Variants in RUVBL1 observed in about 807,000 individuals in gnomAD.
RUVBL1 encodes the protein RuvB like AAA ATPase 1, also known as ruvB-like 1.
RUVBL1 carries 4 observed loss-of-function variants against 52.4 expected under a neutral mutation model. The ratio of observed to expected loss-of-function variants is 0.08; its 90% CI spans 0.04 to 0.17. The LOEUF (loss-of-function observed/expected upper bound fraction) is 0.17, where lower values mean the gene tolerates loss of function less well. RUVBL1 is among the 10% of genes least tolerant of loss of function. The pLI is 1.00. For synonymous variants in RUVBL1, 217 were observed against 214.4 expected (o/e 1.01, Z -0.10); for missense variants, 298 against 572.8 (o/e 0.52, Z 4.90).
At chr3:128,073,509 G>A (rs1003795630) in intron 9 of RUVBL1, among the ~76,000 whole-genome samples, 4 of 152,152 alleles carry the variant, frequency 2.6e-5, no homozygotes, top group African/African-American at 7.2e-5. Context: ...GGCACTGTCC[G>A]AGAGTCAGCA....
chr3:128,110,950 G>C (rs374603050), intron 3 of RUVBL1, among the ~76,000 whole-genome samples: 1 of 151,732 alleles, frequency 6.6e-6, no homozygotes, highest in Non-Finnish European at 1.5e-5. Flanking sequence ...GCATGAGCCA[G>C]GCACGGTGGC....
chr3:128,078,910 C>T (rs1942400346), downstream of RUVBL1: 4 of 152,258 alleles, frequency 2.6e-5, no homozygotes, highest in South Asian at 8.3e-4. Context: ...ATCTCCCTCA[C>T]TTTGGAGCAC....
chr3:128,133,302 G>A (rs1943907393), intron 1 of RUVBL1, among the ~76,000 whole-genome samples: 1 of 152,240 alleles, frequency 6.6e-6, no homozygotes, highest in South Asian at 2.1e-4. Context: ...GACCTGCCGT[G>A]GGCTGGGGGA....
rs954658515 is a variant in RUVBL1, at chr3:128,082,498, G to C, written c.1196C>G (p.Thr399Ser). Residue 399 changes from threonine (T) to serine (S), a missense_variant, in exon 10 of 11, where the codon ACC becomes AGC. Coordinates refer to ENST00000322623, the MANE Select transcript of RUVBL1 (RefSeq NM_003707.3). This position sits in a 1 kb window ranked among gnomAD's most constrained non-coding sequence, Gnocchi z 4.7. ...ACCAGCTCACCTCAGTGTGGTCTTG[G>C]TGCCAATCTCCCCCAGGTGGTTCAG... is the stretch of plus-strand genomic sequence containing the variant. ...EALNHLGEIG[T>S]KTTLRYSVQL... The C allele has an allele frequency of 6.2e-7, 1 of 1,613,596 alleles. No homozygotes were observed. Among genetic ancestry groups the C allele is most frequent in the African/African-American group, 1.3e-5 (1 of 74,926 alleles).
intron 1 of RUVBL1, among the ~76,000 whole-genome samples, chr3:128,150,676 A>C (rs1348554015): frequency 4.7e-5 from 6 of 128,726 alleles, no homozygotes; most frequent in Non-Finnish European, 6.2e-5. Context: ...CATATATTCT[A>C]TATATATTCT....
chr3:128,108,995 AG>A (rs1488478769), intron 3 of RUVBL1, among the ~76,000 whole-genome samples: 3 of 152,202 alleles, frequency 2.0e-5, no homozygotes, highest in Non-Finnish European at 4.4e-5. Context: ...AACTTTAAAA[AG>A]GGCAAAATTA....
chr3:128,077,449 A>C (rs536944642), downstream of RUVBL1, among the ~76,000 whole-genome samples: 3 of 152,348 alleles, frequency 2.0e-5, no homozygotes, highest in East Asian at 5.8e-4. Context: ...ATGGATGACC[A>C]CGGATGAAGG....
intron 8 of RUVBL1, among the ~76,000 whole-genome samples, chr3:128,092,348 A>C (rs1942861163): frequency 6.6e-6 from 1 of 152,206 alleles, no homozygotes; most frequent in Non-Finnish European, 1.5e-5. Context: ...AAGAAAAAAC[A>C]TAAATTGGAC....
Position 128,080,909 on chromosome 3 carries a change from A to G in RUVBL1, c.*341T>C. 4.4e-6 allele frequency: 1 copy of G among 224,904 alleles called. No individual in the cohort carries two copies. The highest frequency in any genetic ancestry group is 8.8e-6 in the Non-Finnish European group (1 of 113,396). 13.9% of individuals were successfully genotyped at this position (224,904 alleles called of 1,614,324 possible). On this transcript the variant is annotated 3_prime_UTR_variant, in exon 11 of 11. Coordinates refer to ENST00000322623, the MANE Select transcript of RUVBL1 (RefSeq NM_003707.3). ...TTAACAAGAAGGGAAACTGGGTACA[A>G]GATACATGGGAACTCCCTATTGTAT...
chr3:128,153,361 G>T (rs1944284800), exon 1 of RUVBL1: 1 of 1,384,188 alleles, frequency 7.2e-7, no homozygotes, highest in Admixed American at 3.6e-5. Flanking sequence ...CTGTGCCCGT[G>T]AGCCTCAGGA....
At chr3:128,072,204 T>G (rs1396493381) in intron 9 of RUVBL1, among the ~76,000 whole-genome samples, 2 of 152,198 alleles carry the variant, frequency 1.3e-5, no homozygotes, top group African/African-American at 4.8e-5. Flanking sequence ...TTTCTGTTTC[T>G]ACACCAAGCC....
At chr3:128,094,589 T>C (rs1251734981) in intron 8 of RUVBL1, among the ~76,000 whole-genome samples, 1 of 152,218 alleles carries the variant, frequency 6.6e-6, no homozygotes, top group Non-Finnish European at 1.5e-5. Context: ...CAACACTTTC[T>C]AGCCTATGGC....
Position 128,092,998 on chromosome 3 carries a change from A to AC in RUVBL1, c.1016+4301dup, listed in dbSNP as rs552993320. Among the ~76,000 whole-genome samples, 506 of 152,192 alleles carry AC rather than the reference A, an allele frequency of 3.3e-3. 3 individuals carry two copies. Among genetic ancestry groups the AC allele is most frequent in the Non-Finnish European group, 4.4e-3 (302 of 68,008 alleles). ...AGACCAGCCTGGTCAACAAAGTGAG[A>AC]CCCCATCTCTACTTTAAAAAAGAAA... On this transcript the variant is annotated intron_variant, in intron 8 of 10. Coordinates refer to ENST00000322623, the MANE Select transcript of RUVBL1 (RefSeq NM_003707.3).
intron 8 of RUVBL1, among the ~76,000 whole-genome samples, chr3:128,093,949 G>A (rs55684215): frequency 0.14 from 21,519 of 152,142 alleles, 1,724 homozygotes; most frequent in African/African-American, 0.21. Context: ...GAGGGGCTAT[G>A]AAGAGGCTTC....
downstream of RUVBL1, among the ~76,000 whole-genome samples, chr3:128,077,430 G>T (rs1201209040): frequency 6.6e-6 from 1 of 152,224 alleles, no homozygotes; most frequent in Non-Finnish European, 1.5e-5. Flanking sequence ...ACTTCTGTGT[G>T]GAGAATGAAT....
At chr3:128,124,040 G>T (rs1013571904), upstream of RUVBL1, among the ~76,000 whole-genome samples, 9 of 152,196 alleles carry the variant, frequency 5.9e-5, no homozygotes, top group Admixed American at 5.9e-4. Context: ...TAGGGCTGGG[G>T]CGTTGCACGA....
chr3:128,123,515 G>A, intron 1 of RUVBL1, 69 bp downstream of exon 1: 2 of 1,450,302 alleles, frequency 1.4e-6, no homozygotes, highest in Non-Finnish European at 1.8e-6. Flanking sequence ...CCGAGCCACC[G>A]ACTTCAGCAG....
chr3:128,100,523 A>C (rs1020257026), intron 6 of RUVBL1, 72 bp downstream of exon 6: 12 of 1,505,514 alleles, frequency 8.0e-6, no homozygotes, highest in Non-Finnish European at 1.1e-5. Context: ...AGACTCTGAC[A>C]ATTCATTCCC....
At chr3:128,143,829 G>A (rs973215492) in intron 1 of RUVBL1, among the ~76,000 whole-genome samples, 9 of 152,132 alleles carry the variant, frequency 5.9e-5, no homozygotes, top group Admixed American at 2.0e-4. Flanking sequence ...CAGCCCCCTC[G>A]AGACCTGGAA....
Sources: gnomAD v4.1 joint callset for allele counts (sites outside exome capture counted in the v4.1 genomes callset) on GRCh38, gnomAD v4.1.1 for gene constraint, Gnocchi (gnomAD v3.1) non-coding constraint, MANE v1.5 for transcripts, NCBI Gene and HGNC (gene_info 2026-07-23, HGNC 2026-07-21) for gene names.